Variants in RBFOX1 observed in about 807,000 individuals in gnomAD.
The protein encoded by RBFOX1 is RNA binding fox-1 homolog 1.
RBFOX1 carries 8 observed loss-of-function variants against 57.7 expected under a neutral mutation model. The ratio of observed to expected loss-of-function variants is 0.14; its 90% CI spans 0.08 to 0.25. RBFOX1 has a LOEUF of 0.25. Among genes scored for constraint, RBFOX1 ranks in the 10% least tolerant of loss-of-function variants. RBFOX1 has a pLI of 1.00. For synonymous variants in RBFOX1, 326 were observed against 222.4 expected, an observed-to-expected ratio of 1.47 and a Z score of -4.15; for missense variants, 611 against 548.5, an observed-to-expected ratio of 1.11 and a Z score of -1.14.
chr16:7,289,768 A>G (rs1011789169), intron 4 of RBFOX1, among the ~76,000 whole-genome samples: 2 of 152,192 alleles, frequency 1.3e-5, no homozygotes, highest in African/African-American at 2.4e-5. Context: ...CATGCTATCA[A>G]ATTTAGTCTT....
At chr16:6,544,355 A>G (rs2096865904) in intron 2 of RBFOX1, among the ~76,000 whole-genome samples, 2 of 152,198 alleles carry the variant, frequency 1.3e-5, no homozygotes, top group African/African-American at 4.8e-5. Context: ...GTGGAAAACC[A>G]CCTTTTCCCC....
rs76753229 is a variant in RBFOX1, at chr16:5,405,157, G to A, written c.220-62059G>A. Among the ~76,000 whole-genome samples, 1,275 of 152,304 alleles carry A rather than the reference G, an allele frequency of 8.4e-3. 24 individuals carry two copies. Among genetic ancestry groups the A allele is most frequent in the African/African-American group, 0.028 (1,184 of 41,548 alleles). On this transcript the variant is annotated intron_variant, in intron 1 of 2. Transcript: ENST00000585867. ...ACCTTGGCTCATAGGGCTCCTCACT[G>A]CTGTGTGGTGTGCCCAGGGTGGGCC...
chr16:7,221,616 C>T (rs1260139279), intron 4 of RBFOX1, among the ~76,000 whole-genome samples: 5 of 152,218 alleles, frequency 3.3e-5, no homozygotes, highest in African/African-American at 1.2e-4. Flanking sequence ...ATCCACCAAC[C>T]TTGGCCTCCC....
At chr16:6,480,440 C>T (rs1303500707) in intron 2 of RBFOX1, among the ~76,000 whole-genome samples, 1 of 152,178 alleles carries the variant, frequency 6.6e-6, no homozygotes, top group African/African-American at 2.4e-5. Context: ...TCAATAAAAC[C>T]TCATTCATGG....
At chr16:7,708,026 G>A (rs1038189177) in intron 14 of RBFOX1, among the ~76,000 whole-genome samples, 1 of 152,170 alleles carries the variant, frequency 6.6e-6, no homozygotes, top group Non-Finnish European at 1.5e-5. Flanking sequence ...GGTGGACCAA[G>A]CACGCAAGTT....
At chr16:5,590,184 C>G (rs1333393691) in intron 2 of RBFOX1, among the ~76,000 whole-genome samples, 2 of 151,898 alleles carry the variant, frequency 1.3e-5, no homozygotes, top group Non-Finnish European at 2.9e-5. Context: ...CAGTCTGAAA[C>G]GATTTACATG....
intron 4 of RBFOX1, among the ~76,000 whole-genome samples, chr16:7,174,059 T>C (rs1254376559): frequency 6.6e-6 from 1 of 152,210 alleles, no homozygotes; most frequent in Non-Finnish European, 1.5e-5. Flanking sequence ...TGCTTTGTGT[T>C]AAATGCTGAA....
chr16:6,471,725 A>T (rs555088725), intron 2 of RBFOX1, among the ~76,000 whole-genome samples: 1 of 152,138 alleles, frequency 6.6e-6, no homozygotes, highest in East Asian at 1.9e-4. Flanking sequence ...TCATCTCAGC[A>T]TTGGGGTATT....
chr16:6,976,495 A>T (rs1001051093), intron 3 of RBFOX1, among the ~76,000 whole-genome samples: 1 of 152,102 alleles, frequency 6.6e-6, no homozygotes, highest in Non-Finnish European at 1.5e-5. Flanking sequence ...GGGTTTTTAG[A>T]TCTCACACCA....
intron 3 of RBFOX1, among the ~76,000 whole-genome samples, chr16:6,695,749 C>A (rs188555590): frequency 3.3e-5 from 5 of 152,298 alleles, no homozygotes; most frequent in Non-Finnish European, 5.9e-5. Context: ...AATCATGAAT[C>A]CTCTCTGTAC....
intron 3 of RBFOX1, among the ~76,000 whole-genome samples, chr16:6,979,561 A>G (rs969569099): frequency 3.3e-5 from 5 of 152,192 alleles, no homozygotes; most frequent in African/African-American, 1.2e-4. Context: ...CTTTTGCAAA[A>G]GAAGAGATAG....
chr16:6,905,166 C>G (rs555729686), intron 3 of RBFOX1, among the ~76,000 whole-genome samples: 2 of 152,176 alleles, frequency 1.3e-5, no homozygotes, highest in South Asian at 2.1e-4. Flanking sequence ...TTTTCAAATC[C>G]TTTATTCTTT....
chr16:6,383,659 A>G (rs1345688676), intron 2 of RBFOX1, among the ~76,000 whole-genome samples: 1 of 151,718 alleles, frequency 6.6e-6, no homozygotes, highest in Non-Finnish European at 1.5e-5. Flanking sequence ...AATCCTACCT[A>G]CTCGGGAGGC....
intron 14 of RBFOX1, among the ~76,000 whole-genome samples, chr16:7,695,249 A>G (rs1454644098): frequency 6.6e-6 from 1 of 152,204 alleles, no homozygotes; most frequent in Admixed American, 6.5e-5. Flanking sequence ...GAAAAAGGAG[A>G]CACCCATATC....
At chr16:6,653,172 A>G (rs140677686) in intron 2 of RBFOX1, among the ~76,000 whole-genome samples, 1 of 152,048 alleles carries the variant, frequency 6.6e-6, no homozygotes. Context: ...CCTTTTCTCA[A>G]TTGCCACTTT....
chr16:7,712,518 C>A lies in RBFOX1; in HGVS notation c.*1773C>A, dbSNP rs185649958. 1 of 152,478 alleles carries A rather than the reference C, an allele frequency of 6.6e-6. No individual in the cohort carries two copies. Among genetic ancestry groups the A allele is most frequent in the Non-Finnish European group, 1.5e-5 (1 of 68,026 alleles). 9.4% of individuals were successfully genotyped at this position (152,478 alleles called of 1,614,324 possible). ...TTTGAAAACAAAGTTTCTGTAGCTT[C>A]GATACCTAAGACAGACGATAGTGAT... On this transcript the variant is annotated 3_prime_UTR_variant, in exon 16 of 16. Coordinates refer to ENST00000550418, the MANE Select transcript of RBFOX1 (RefSeq NM_018723.4).
chr16:6,946,667 A>T (rs2079585427), intron 3 of RBFOX1, among the ~76,000 whole-genome samples: 1 of 143,348 alleles, frequency 7.0e-6, no homozygotes, highest in Admixed American at 6.9e-5. Flanking sequence ...CGGTAGTGAG[A>T]TCACAGTTCA....
chr16:6,295,697 C>T (rs1246315994), intron 1 of RBFOX1, among the ~76,000 whole-genome samples: 1 of 152,158 alleles, frequency 6.6e-6, no homozygotes, highest in Admixed American at 6.5e-5. Context: ...GTGTGTGATG[C>T]TGAAGGTACC....
chr16:6,643,406 TTTTG>T (rs1446900579), intron 2 of RBFOX1, among the ~76,000 whole-genome samples: 2 of 125,792 alleles, frequency 1.6e-5, no homozygotes, highest in South Asian at 3.4e-4. Context: ...GAATCTTGGT[TTTTG>T]TTTGTTTGTT....
Sources: gnomAD v4.1 joint callset for allele counts (sites outside exome capture counted in the v4.1 genomes callset) on GRCh38, gnomAD v4.1.1 for gene constraint, MANE v1.5 for transcripts, NCBI Gene and HGNC (gene_info 2026-07-23, HGNC 2026-07-21) for gene names.